Variants in PGAP4 observed in about 807,000 individuals in gnomAD.
The protein encoded by PGAP4 is post-GPI attachment to proteins GalNAc transferase 4.
A neutral mutation model predicts 28.2 loss-of-function variants in PGAP4; 12 were observed. The ratio of observed to expected loss-of-function variants is 0.42; its 90% CI spans 0.27 to 0.69. The LOEUF (loss-of-function observed/expected upper bound fraction) is 0.69. Among genes scored for constraint, PGAP4 ranks in the 30% least tolerant of loss-of-function variants. The probability of loss-of-function intolerance (pLI) is 0.22; values close to 1 mark genes in which losing one functional copy is unlikely to be tolerated. For missense variants in PGAP4, 425 were observed against 513.5 expected, an observed-to-expected ratio of 0.83 and a Z score of 1.67; for synonymous variants, 205 against 211.8, an observed-to-expected ratio of 0.97 and a Z score of 0.28.
At chr9:101,511,083 A>C (rs773697298) in intron 2 of PGAP4, among the ~76,000 whole-genome samples, 20 of 152,178 alleles carry the variant, frequency 1.3e-4, no homozygotes, top group Non-Finnish European at 2.8e-4. Flanking sequence ...CAGGCATTAG[A>C]TTCTCATAAG....
intron 2 of PGAP4, among the ~76,000 whole-genome samples, chr9:101,503,151 G>T (rs1215617119): frequency 2.0e-5 from 3 of 152,036 alleles, no homozygotes; most frequent in Admixed American, 2.0e-4. Context: ...TTGCAGGAAA[G>T]CTTCTCCTGC....
intron 2 of PGAP4, among the ~76,000 whole-genome samples, chr9:101,495,931 T>C (rs1256351491): frequency 6.6e-6 from 1 of 151,378 alleles, no homozygotes; most frequent in Non-Finnish European, 1.5e-5. Context: ...AAGTCAAATC[T>C]GAGGAAATGG....
At chr9:101,521,871 C>G (rs1244092809) in intron 2 of PGAP4, among the ~76,000 whole-genome samples, 1 of 152,072 alleles carries the variant, frequency 6.6e-6, no homozygotes, top group Non-Finnish European at 1.5e-5. Flanking sequence ...TTCCCCTTAC[C>G]ATTGCCTTTG....
rs141723544 is a variant in PGAP4 at position 101,526,396 on chromosome 9, A to G, written c.-165+4952T>C. Among the ~76,000 whole-genome samples, 99 of 152,324 alleles carry G rather than the reference A, an allele frequency of 6.5e-4. 1 individual carries two copies. The highest frequency in any genetic ancestry group is 5.9e-4 in the Admixed American group (9 of 15,302). On this transcript the variant is annotated intron_variant, in intron 2 of 3. Transcript: ENST00000374851. ...CCATTAAAAGTATCTTTCTCCCTGT[A>G]CTATTGAAATCTCTATTACCCTGGC... is the stretch of plus-strand genomic sequence containing the variant.
chr9:101,513,686 G>A (rs1052540904), intron 2 of PGAP4, among the ~76,000 whole-genome samples: 4 of 146,560 alleles, frequency 2.7e-5, no homozygotes, highest in African/African-American at 2.6e-5. Context: ...GGACAGATAG[G>A]TAGATAGATA....
At chr9:101,482,530 T>C (rs913229960) in intron 1 of PGAP4, among the ~76,000 whole-genome samples, 4 of 152,340 alleles carry the variant, frequency 2.6e-5, no homozygotes, top group Admixed American at 6.5e-5. Context: ...AGCATCCATC[T>C]GATACTCTGA....
chr9:101,532,278 GA>G (rs1220114966), intron 1 of PGAP4, among the ~76,000 whole-genome samples: 227 of 94,418 alleles, frequency 2.4e-3, no homozygotes, highest in East Asian at 6.9e-3. Context: ...TCGAAAAAAA[GA>G]AAAAAAAAAA....
intron 2 of PGAP4, among the ~76,000 whole-genome samples, chr9:101,504,268 T>C (rs1826831000): frequency 6.7e-6 from 1 of 149,060 alleles, no homozygotes; most frequent in Non-Finnish European, 1.5e-5. Context: ...TATTACTCTC[T>C]TTTCTTTTTC....
At chr9:101,531,360 G>C (rs1827088513) in exon 2 of PGAP4, 1 of 152,198 alleles carries the variant, frequency 6.6e-6, no homozygotes, top group African/African-American at 2.4e-5. Context: ...GGTGAGAATT[G>C]AAAGGTACTA....
intron 2 of PGAP4, among the ~76,000 whole-genome samples, chr9:101,506,952 G>A (rs13284984): frequency 0.16 from 24,642 of 151,928 alleles, 2,144 homozygotes; most frequent in East Asian, 0.24. Context: ...CCATTTTCCC[G>A]TGGTTCCAAA....
intron 2 of PGAP4, among the ~76,000 whole-genome samples, chr9:101,516,962 T>G (rs1826948935): frequency 6.6e-6 from 1 of 152,182 alleles, no homozygotes. Flanking sequence ...TGGTCACTGC[T>G]CATGATCTAT....
intron 1 of PGAP4, among the ~76,000 whole-genome samples, chr9:101,482,704 G>A (rs1383766267): frequency 6.6e-6 from 1 of 152,114 alleles, no homozygotes. Context: ...CAACCATCAA[G>A]AATTAGCTCA....
chr9:101,484,618 A>G (rs1826570950), intron 1 of PGAP4, among the ~76,000 whole-genome samples: 2 of 152,190 alleles, frequency 1.3e-5, no homozygotes, highest in Admixed American at 1.3e-4. Flanking sequence ...AAGAAAAGAC[A>G]GGAGAGATCA....
At chr9:101,482,365 G>C (rs144546813) in intron 1 of PGAP4, among the ~76,000 whole-genome samples, 38 of 152,306 alleles carry the variant, frequency 2.5e-4, no homozygotes, top group Admixed American at 2.0e-3. Flanking sequence ...AGAATCGCTT[G>C]AACCAGGTAG....
intron 2 of PGAP4, among the ~76,000 whole-genome samples, chr9:101,503,178 A>G (rs906872254): frequency 2.0e-5 from 3 of 152,096 alleles, no homozygotes; most frequent in Non-Finnish European, 4.4e-5. Context: ...GAATGCAGAC[A>G]TGAAGCTTGG....
At chr9:101,519,543 TCTCCCACTCTGTGGGTGGTC>T (rs1826969276) in intron 2 of PGAP4, among the ~76,000 whole-genome samples, 1 of 152,104 alleles carries the variant, frequency 6.6e-6, no homozygotes, top group South Asian at 2.1e-4. Context: ...GTGAAGATTT[TCTCCCACTCTGTGGGTGGTC>T]TGCTTACTTT....
At chr9:101,530,570 G>C (rs994572168) in intron 2 of PGAP4, among the ~76,000 whole-genome samples, 2 of 152,190 alleles carry the variant, frequency 1.3e-5, no homozygotes, top group Non-Finnish European at 2.9e-5. Flanking sequence ...TATTTTTCCA[G>C]GGATATTCCT....
intron 2 of PGAP4, among the ~76,000 whole-genome samples, chr9:101,525,073 T>A (rs1292323551): frequency 6.6e-6 from 1 of 152,216 alleles, no homozygotes; most frequent in African/African-American, 2.4e-5. Flanking sequence ...TACCAGTGAA[T>A]ATACGAGTGC....
intron 2 of PGAP4, among the ~76,000 whole-genome samples, chr9:101,502,953 T>C (rs960873692): frequency 1.3e-5 from 2 of 152,042 alleles, no homozygotes; most frequent in African/African-American, 4.8e-5. Flanking sequence ...TATTTTTCAG[T>C]GTTGAGCAGC....
Sources: gnomAD v4.1 joint callset for allele counts (sites outside exome capture counted in the v4.1 genomes callset) on GRCh38, gnomAD v4.1.1 for gene constraint, MANE v1.5 for transcripts, NCBI Gene and HGNC (gene_info 2026-07-23, HGNC 2026-07-21) for gene names.